The following TPD52 variants were observed in gnomAD, a reference collection of about 807,000 sequenced individuals.
TPD52 encodes the protein prostate and colon associated protein.
In TPD52, 17 loss-of-function variants were observed where a neutral mutation model predicts 31.3. The observed-to-expected ratio is 0.54, with a 90% CI of 0.37 to 0.82. TPD52 has a LOEUF of 0.82. TPD52 is among the 40% of genes least tolerant of loss of function. TPD52 has a pLI of 0.00. For synonymous variants in TPD52, 83 were observed against 89.6 expected, an observed-to-expected ratio of 0.93 and a Z score of 0.42; for missense variants, 212 against 240.1, an observed-to-expected ratio of 0.88 and a Z score of 0.77.
intron 1 of TPD52, among the ~76,000 whole-genome samples, chr8:80,121,081 CAAAA>C (rs762105086): frequency 1.0e-5 from 1 of 98,564 alleles, no homozygotes; most frequent in Non-Finnish European, 2.2e-5. Context: ...GACTCTGTCT[CAAAA>C]AAAAAAAAAG....
chr8:80,080,138 T>C (rs1445453850), intron 1 of TPD52, among the ~76,000 whole-genome samples: 2 of 152,232 alleles, frequency 1.3e-5, no homozygotes, highest in African/African-American at 4.8e-5. Context: ...ACACATATTC[T>C]AAATATTTAA....
At chr8:80,105,890 C>T (rs1331466780) in intron 1 of TPD52, among the ~76,000 whole-genome samples, 3 of 152,082 alleles carry the variant, frequency 2.0e-5, no homozygotes, top group African/African-American at 7.2e-5. Flanking sequence ...CACCACCACG[C>T]CCAGCTAACT....
rs1053778218 is a variant in TPD52, at chr8:80,034,789, A to G, written c.*3327T>C. 6.6e-6 allele frequency: 1 copy of G among 152,212 alleles called. No individual in the cohort carries two copies. The highest frequency in any genetic ancestry group is 2.4e-5 in the African/African-American group (1 of 41,454). The allele number at this position is 152,212 out of a possible 1,614,324, so 9.4% of individuals were successfully genotyped here. A position where few individuals can be genotyped will look rare whatever the true frequency, so the allele number is the denominator to read the frequency against. The stretch of plus-strand genomic sequence containing the variant: ...AACTGTATTTGGCTTTTTCTATATG[A>G]TAGAAGAACCACAAAATTAATAAAA... On this transcript the variant is annotated 3_prime_UTR_variant, in exon 8 of 8. Coordinates refer to ENST00000518937, the MANE Select transcript of TPD52 (RefSeq NM_001025253.3).
intron 1 of TPD52, among the ~76,000 whole-genome samples, chr8:80,169,449 A>C (rs1328903171): frequency 6.6e-6 from 1 of 152,266 alleles, no homozygotes; most frequent in Non-Finnish European, 1.5e-5. Context: ...TTTGAAAAAA[A>C]TATGTCTTAG....
chr8:80,070,547 A>T (rs1320333871), intron 1 of TPD52, among the ~76,000 whole-genome samples: 1 of 152,120 alleles, frequency 6.6e-6, no homozygotes, highest in African/African-American at 2.4e-5. Flanking sequence ...GGTTCACAAT[A>T]GGGTTCATGC....
rs1262721947 is a variant in TPD52 at position 80,036,619 on chromosome 8, C to T, written c.*1497G>A. ...GATAGATGGAATTTATTAAGCTTTTCACATGTGATAGCACATAGTTTTAAT... is the reference window on the plus strand; with the variant it reads ...GATAGATGGAATTTATTAAGCTTTTTACATGTGATAGCACATAGTTTTAAT... On this transcript the variant is annotated 3_prime_UTR_variant, in exon 8 of 8. Coordinates refer to ENST00000518937, the MANE Select transcript of TPD52 (RefSeq NM_001025253.3). The T allele has an allele frequency of 4.6e-5, 7 of 152,506 alleles. No homozygotes were observed. The highest frequency in any genetic ancestry group is 1.0e-4 in the Non-Finnish European group (7 of 68,012). 9.4% of individuals were successfully genotyped at this position (152,506 alleles called of 1,614,324 possible). A position where few individuals can be genotyped will look rare whatever the true frequency, so the allele number is the denominator to read the frequency against.
At chr8:80,154,652 T>C (rs1297934771) in intron 1 of TPD52, among the ~76,000 whole-genome samples, 1 of 151,908 alleles carries the variant, frequency 6.6e-6, no homozygotes, top group East Asian at 1.9e-4. Context: ...AGTATGATTT[T>C]TAAATTCTCA....
chr8:80,072,372 T>C lies in TPD52; in HGVS notation c.20-7779A>G, dbSNP rs1376855298. The stretch of plus-strand genomic sequence containing the variant: ...GTATGTGTGTATATACATGTACACA[T>C]AGATATGCGTGTATATACATGTACA... On this transcript the variant is annotated intron_variant, in intron 1 of 7. Coordinates refer to ENST00000518937, the MANE Select transcript of TPD52 (RefSeq NM_001025253.3). Among the ~76,000 whole-genome samples, 25 of 146,760 alleles carry C rather than the reference T, an allele frequency of 1.7e-4. 3 individuals are homozygous for C. Among genetic ancestry groups the C allele is most frequent in the African/African-American group, 6.5e-4 (25 of 38,264 alleles).
intron 1 of TPD52, among the ~76,000 whole-genome samples, chr8:80,165,522 AG>A (rs1811655494): frequency 6.6e-6 from 1 of 152,224 alleles, no homozygotes; most frequent in Non-Finnish European, 1.5e-5. Flanking sequence ...GGTGTTAAGA[AG>A]GGCACCCAAA....
chr8:80,136,125 A>T (rs1432340725), intron 1 of TPD52, among the ~76,000 whole-genome samples: 1 of 149,036 alleles, frequency 6.7e-6, no homozygotes, highest in African/African-American at 2.5e-5. Flanking sequence ...TAAAACTTAA[A>T]GTATAATAAA....
chr8:80,129,488 C>A (rs925935888), intron 1 of TPD52, among the ~76,000 whole-genome samples: 1 of 152,162 alleles, frequency 6.6e-6, no homozygotes, highest in Admixed American at 6.6e-5. Context: ...GGCCGGATAG[C>A]AACGTCAGCA....
At chr8:80,120,000 A>G (rs1001262582) in intron 1 of TPD52, 1 of 245,246 alleles carries the variant, frequency 4.1e-6, no homozygotes, top group African/African-American at 2.3e-5. Context: ...AAAGTTACTA[A>G]GAGACTGACA....
In TPD52 at chr8:80,113,231, A is replaced by C. The variant is rs1314639125; in HGVS notation, c.20-48638T>G. ...TAAAATCACATCTATGAAATGAAATATCATCTCACCCCAGTTAGAATGGCT... is the reference window on the plus strand; with the variant it reads ...TAAAATCACATCTATGAAATGAAATCTCATCTCACCCCAGTTAGAATGGCT... On this transcript the variant is annotated intron_variant, in intron 1 of 7. Transcript: ENST00000518937. 6.6e-5 allele frequency among the ~76,000 whole-genome samples: 10 copies of C among 151,468 alleles called. No individual in the cohort carries two copies. In the South Asian group the frequency reaches 2.1e-3, roughly 32 times the overall value.
At chr8:80,066,310 C>A (rs954540970) in intron 1 of TPD52, among the ~76,000 whole-genome samples, 2 of 152,132 alleles carry the variant, frequency 1.3e-5, no homozygotes, top group South Asian at 2.1e-4. Context: ...TAATAATAAT[C>A]ATCAGCATGG....
chr8:80,069,339 AC>A (rs1326463315), intron 1 of TPD52, among the ~76,000 whole-genome samples: 7 of 151,980 alleles, frequency 4.6e-5, no homozygotes, highest in African/African-American at 1.7e-4. Flanking sequence ...AGTGGCCTGC[AC>A]CTGTAGTCCC....
intron 2 of TPD52, among the ~76,000 whole-genome samples, chr8:80,055,809 G>A (rs543606787): frequency 8.8e-4 from 134 of 152,052 alleles, no homozygotes; most frequent in Non-Finnish European, 1.6e-3. Flanking sequence ...TAATCATCAG[G>A]GAAATGCAAA....
Position 80,042,621 on chromosome 8 carries a change from TTTAAG to T in TPD52, c.498_502del (p.Asn166LysfsTer3), listed in dbSNP as rs1239424998. ...GACCCTGTTCATCTCTCTACTTGCC[TTTAAG>T]TTTTCGACCTTTTCTTCAAATGATT... On this transcript the variant is annotated frameshift_variant and splice_region_variant, in exon 7 of 8. Transcript: ENST00000518937. LOFTEE classifies it high-confidence loss of function. The T allele has an allele frequency of 1.2e-6, 2 of 1,610,988 alleles. No homozygotes were observed. Among genetic ancestry groups the T allele is most frequent in the Non-Finnish European group, 1.7e-6 (2 of 1,178,430 alleles).
rs116634732 is a variant in TPD52 at position 80,073,696 on chromosome 8, T to C, written c.20-9103A>G. ...GGAAAGATAAGAACCCAGTCTCCCT[T>C]CATTCTCTCTCCTTTTATCTCGAGC... On this transcript the variant is annotated intron_variant, in intron 1 of 7. Coordinates refer to ENST00000518937, the MANE Select transcript of TPD52 (RefSeq NM_001025253.3). 5.2e-3 allele frequency among the ~76,000 whole-genome samples: 785 copies of C among 152,350 alleles called. 4 individuals carry two copies. The highest frequency in any genetic ancestry group is 0.017 in the African/African-American group (725 of 41,586).
chr8:80,072,317 A>ATATGTGTGTG (rs1554582865), intron 1 of TPD52, among the ~76,000 whole-genome samples: 1,298 of 121,334 alleles, frequency 0.011, 28 homozygotes, highest in Middle Eastern at 0.036. Context: ...AAAAACATAT[A>ATATGTGTGTG]TGTGTGTGTG....
Sources: allele counts gnomAD v4.1 joint callset (sites outside exome capture counted in the v4.1 genomes callset), GRCh38; gene constraint gnomAD v4.1.1; transcripts MANE v1.5; gene names NCBI Gene and HGNC (gene_info 2026-07-23, HGNC 2026-07-21).